CYP24A1: variants seen among roughly 807,000 people sequenced by gnomAD.
The protein encoded by CYP24A1 is 1,25-dihydroxyvitamin D(3) 24-hydroxylase, mitochondrial.
Under a neutral mutation model 62.4 loss-of-function variants are expected in CYP24A1, and 68 were observed. The ratio of observed to expected loss-of-function variants is 1.09; its 90% CI spans 0.90 to 1.33. The LOEUF is 1.33. CYP24A1 is among the 40% of genes most tolerant of loss of function. The pLI is 0.00. For synonymous variants in CYP24A1, 267 were observed against 253.0 expected (o/e 1.06, Z -0.52); for missense variants, 787 against 653.0 (o/e 1.21, Z -2.24).
At chr20:54,162,584 G>GGCCGTGCGCTT (rs1555889740) in intron 7 of CYP24A1, 133 bp downstream of exon 7, 1 of 625,264 alleles carries the variant, frequency 1.6e-6, no homozygotes, top group African/African-American at 2.5e-5. Context: ...TCTAGTATGA[G>GGCCGTGCGCTT]ACTTTTCATT....
At chr20:54,155,190 A>C (rs1030903254) in intron 11 of CYP24A1, among the ~76,000 whole-genome samples, 2 of 152,140 alleles carry the variant, frequency 1.3e-5, no homozygotes, top group African/African-American at 4.8e-5. Flanking sequence ...GAATTTGACA[A>C]ATTTCATAAT....
intron 11 of CYP24A1, among the ~76,000 whole-genome samples, chr20:54,155,712 A>G (rs2092625220): frequency 7.0e-6 from 1 of 142,604 alleles, no homozygotes; most frequent in Non-Finnish European, 1.5e-5. Flanking sequence ...ACTCCAGCCC[A>G]GGTGACAGTG....
At chr20:54,163,343 GTCCA>G (rs1414383465) in intron 6 of CYP24A1, among the ~76,000 whole-genome samples, 1 of 152,198 alleles carries the variant, frequency 6.6e-6, no homozygotes, top group Non-Finnish European at 1.5e-5. Flanking sequence ...CAAGTAGAGT[GTCCA>G]TCCATGTTGA....
intron 3 of CYP24A1, among the ~76,000 whole-genome samples, chr20:54,171,054 A>G (rs1287682479): frequency 6.6e-6 from 1 of 152,180 alleles, no homozygotes; most frequent in Non-Finnish European, 1.5e-5. Context: ...ACGTCATTTC[A>G]TGCCTCCCTG....
the CYP24A1 span, among the ~76,000 whole-genome samples, chr20:54,146,642 A>G: frequency 4.6e-5 from 7 of 152,336 alleles, no homozygotes; most frequent in South Asian, 1.0e-3. Context: ...TTCTCCCACA[A>G]TATGGGACAT....
At chr20:54,153,143 C>T (rs1228124405), downstream of CYP24A1, among the ~76,000 whole-genome samples, 3 of 152,256 alleles carry the variant, frequency 2.0e-5, no homozygotes, top group East Asian at 5.8e-4. Context: ...GAACAGGCTC[C>T]CAGGCCGTTC....
intron 5 of CYP24A1, among the ~76,000 whole-genome samples, chr20:54,164,936 A>G (rs2092665991): frequency 1.3e-5 from 2 of 152,228 alleles, no homozygotes; most frequent in African/African-American, 4.8e-5. Flanking sequence ...CGTTTATCCT[A>G]TCTACACGCC....
downstream of CYP24A1, among the ~76,000 whole-genome samples, chr20:54,150,760 G>A (rs771152547): frequency 6.6e-6 from 1 of 152,206 alleles, no homozygotes; most frequent in African/African-American, 2.4e-5. Flanking sequence ...TAACATATGC[G>A]ATGCACAAGT....
chr20:54,164,616 A>G, intron 5 of CYP24A1, 53 bp from the exon 6 acceptor site: 1 of 1,613,456 alleles, frequency 6.2e-7, no homozygotes, highest in Non-Finnish European at 8.5e-7. Context: ...TCTCAAAGAC[A>G]ATGTTCGTTC....
At chr20:54,166,027 A>G (rs1280656870) in intron 4 of CYP24A1, among the ~76,000 whole-genome samples, 194 bp from the exon 5 acceptor site, 1 of 152,194 alleles carries the variant, frequency 6.6e-6, no homozygotes, top group African/African-American at 2.4e-5. Context: ...CTTTTTCTAG[A>G]AATTATCTCC....
At chr20:54,172,857 G>C in intron 2 of CYP24A1, 52 bp downstream of exon 2, 1 of 1,611,452 alleles carries the variant, frequency 6.2e-7, no homozygotes. Flanking sequence ...TCCAGGCGCC[G>C]TCAGGCTCAT....
rs138610288 is a variant in CYP24A1 at position 54,166,490 on chromosome 20, A to G, written c.641-657T>C. On this transcript the variant is annotated intron_variant, in intron 4 of 11. Transcript: ENST00000216862. ...CATTTCTTTCTCTTTGTGTGTATGT[A>G]TGCATACAAGTGTATACGTGGTTGT... is the stretch of plus-strand genomic sequence containing the variant. Among the ~76,000 whole-genome samples, 174 of 152,340 alleles carry G rather than the reference A, an allele frequency of 1.1e-3. 1 individual carries two copies. The highest frequency in any genetic ancestry group is 3.5e-3 in the African/African-American group (147 of 41,566).
chr20:54,148,369 G>GACACACAC, the CYP24A1 span, among the ~76,000 whole-genome samples: 7,825 of 133,344 alleles, frequency 0.059, 412 homozygotes, highest in Middle Eastern at 0.096. Context: ...CAGACACACA[G>GACACACAC]ACACACACAC....
chr20:54,155,652 G>A (rs566811485), intron 11 of CYP24A1, among the ~76,000 whole-genome samples: 5 of 149,890 alleles, frequency 3.3e-5, no homozygotes, highest in Admixed American at 2.0e-4. Context: ...CAGAAGAATC[G>A]CATGAACCCA....
At chr20:54,157,366 C>T (rs1452892469) in intron 10 of CYP24A1, 22 bp downstream of exon 10, 3 of 1,536,704 alleles carry the variant, frequency 2.0e-6, no homozygotes, top group Non-Finnish European at 2.7e-6. Flanking sequence ...AACATAATTG[C>T]AGAAACCGGT....
chr20:54,157,720 C>T (rs1237548731), intron 9 of CYP24A1, 135 bp from the exon 10 acceptor site: 17 of 734,900 alleles, frequency 2.3e-5, no homozygotes, highest in East Asian at 5.2e-5. Context: ...TGCCAACATG[C>T]GCTGAGTGCT....
the CYP24A1 span, among the ~76,000 whole-genome samples, chr20:54,148,369 G>GACACACACACACACAC: frequency 2.2e-3 from 294 of 133,458 alleles, 6 homozygotes; most frequent in Non-Finnish European, 3.1e-3. Flanking sequence ...CAGACACACA[G>GACACACACACACACAC]ACACACACAC....
chr20:54,160,868 T>A (rs950715570), intron 7 of CYP24A1, among the ~76,000 whole-genome samples: 3 of 152,080 alleles, frequency 2.0e-5, no homozygotes, highest in African/African-American at 7.2e-5. Flanking sequence ...CAGCAGCTGA[T>A]TTGAGGGGAA....
Position 54,157,299 on chromosome 20 carries a change from A to G in CYP24A1, c.1435-10T>C, listed in dbSNP as rs1347574163. The G allele has an allele frequency of 6.4e-7, 1 of 1,553,084 alleles. No homozygotes were observed. The highest frequency in any genetic ancestry group is 1.4e-5 in the African/African-American group (1 of 73,640). On this transcript the variant is annotated splice_polypyrimidine_tract_variant and intron_variant, in intron 10 of 11. Transcript: ENST00000216862. ...CGTATTTGCGGACAATCTGTAATGC[A>G]CACGCACACAAAAACAGAATTACCC...
Sources: gnomAD v4.1 joint callset for allele counts (sites outside exome capture counted in the v4.1 genomes callset) on GRCh38, gnomAD v4.1.1 for gene constraint, MANE v1.5 for transcripts, NCBI Gene and HGNC (gene_info 2026-07-23, HGNC 2026-07-21) for gene names.